CCDC191: variants seen among roughly 807,000 people sequenced by gnomAD.
CCDC191 encodes the protein coiled-coil domain containing 191.
In CCDC191, 99 loss-of-function variants were observed where a neutral mutation model predicts 114.0. That is an observed-to-expected ratio of 0.87 (90% confidence interval 0.74 to 1.03). CCDC191 has a LOEUF of 1.03. CCDC191 is among the 50% of genes least tolerant of loss of function. The pLI is 0.00. For synonymous variants in CCDC191, 351 were observed against 376.0 expected (o/e 0.93, Z 0.77); for missense variants, 973 against 1,087.0 (o/e 0.90, Z 1.47).
At chr3:114,006,915 T>A (rs2075981551) in intron 9 of CCDC191, among the ~76,000 whole-genome samples, 1 of 152,020 alleles carries the variant, frequency 6.6e-6, no homozygotes, top group East Asian at 1.9e-4. Context: ...GGGTGGGAAA[T>A]ATTTGGAAGC....
In CCDC191 at chr3:114,042,731, A is replaced by G. The variant is rs2076579716; in HGVS notation, c.387T>C (p.Asn129=). Reference sequence around the variant, plus strand: ...CAAACTTGTCATATTTCAAATGGCCATTGGCTTCCGGCATAATAGTGACAC... The same window carrying G: ...CAAACTTGTCATATTTCAAATGGCCGTTGGCTTCCGGCATAATAGTGACAC... ...VSSVTIMPEA[N]GHLKYDKFDD... is the part of the protein sequence containing the mutation. The change falls in exon 4 of 17, where the codon AAT becomes AAC. Residue 129 remains asparagine (N), a synonymous_variant. Transcript: ENST00000295878. 6.3e-7 allele frequency: 1 copy of G among 1,587,338 alleles called. No individual in the cohort carries two copies. Among genetic ancestry groups the G allele is most frequent in the African/African-American group, 1.4e-5 (1 of 73,100 alleles).
intron 1 of CCDC191, among the ~76,000 whole-genome samples, chr3:114,056,128 C>G (rs1482112276): frequency 1.3e-5 from 2 of 152,104 alleles, no homozygotes; most frequent in East Asian, 3.9e-4. Context: ...CATTAGCAGA[C>G]ACCTCCGGTT....
At chr3:114,044,049 G>T (rs971844129) in intron 3 of CCDC191, among the ~76,000 whole-genome samples, 6 of 152,060 alleles carry the variant, frequency 3.9e-5, no homozygotes, top group African/African-American at 1.4e-4. Context: ...TCCAAATAGG[G>T]ATGTCAAATA....
intron 13 of CCDC191, among the ~76,000 whole-genome samples, chr3:113,985,535 T>C (rs2075324004): frequency 6.6e-6 from 1 of 152,142 alleles, no homozygotes; most frequent in Admixed American, 6.5e-5. Flanking sequence ...ATTATCTGAG[T>C]GCTTAAAGCT....
intron 13 of CCDC191, among the ~76,000 whole-genome samples, chr3:113,982,701 G>A (rs1308880672): frequency 6.6e-6 from 1 of 151,672 alleles, no homozygotes; most frequent in African/African-American, 2.4e-5. Flanking sequence ...TCCCTTGTAC[G>A]CTACTCTCCC....
intron 13 of CCDC191, among the ~76,000 whole-genome samples, chr3:113,983,320 C>T (rs1044173045): frequency 6.6e-6 from 1 of 152,174 alleles, no homozygotes; most frequent in Non-Finnish European, 1.5e-5. Flanking sequence ...TCTATCCAGA[C>T]AATCTCCCAA....
intron 9 of CCDC191, among the ~76,000 whole-genome samples, chr3:114,009,998 C>T (rs914420133): frequency 1.3e-5 from 2 of 152,012 alleles, no homozygotes; most frequent in Non-Finnish European, 2.9e-5. Flanking sequence ...TGCCCCACAC[C>T]CAAAAATTCT....
chr3:114,019,718 C>T (rs540315548), intron 7 of CCDC191, among the ~76,000 whole-genome samples: 11 of 152,164 alleles, frequency 7.2e-5, no homozygotes, highest in African/African-American at 2.7e-4. Flanking sequence ...CTTTTCATAA[C>T]CAAAAACTGC....
intron 13 of CCDC191, among the ~76,000 whole-genome samples, chr3:113,994,402 G>A (rs1245363533): frequency 1.3e-5 from 2 of 152,102 alleles, no homozygotes; most frequent in Non-Finnish European, 2.9e-5. Context: ...AAATGCTGAT[G>A]AGGATGTGCA....
chr3:114,037,751 C>A (rs2076505472), intron 4 of CCDC191, among the ~76,000 whole-genome samples: 1 of 152,064 alleles, frequency 6.6e-6, no homozygotes, highest in South Asian at 2.1e-4. Context: ...CATCCTTATA[C>A]TCTAGATCAT....
chr3:113,988,765 A>G (rs975405669), intron 13 of CCDC191, among the ~76,000 whole-genome samples: 5 of 152,072 alleles, frequency 3.3e-5, no homozygotes, highest in Non-Finnish European at 5.9e-5. Flanking sequence ...TATGATGTCT[A>G]TAAGACATTC....
intron 11 of CCDC191, 39 bp from the exon 12 acceptor site, chr3:114,002,577 G>A: frequency 6.8e-7 from 1 of 1,475,746 alleles, no homozygotes; most frequent in Non-Finnish European, 9.3e-7. Flanking sequence ...TTTTTATATT[G>A]AAAAAATATG....
chr3:114,043,392 C>A (rs2076589289), intron 3 of CCDC191, among the ~76,000 whole-genome samples: 1 of 152,156 alleles, frequency 6.6e-6, no homozygotes, highest in Non-Finnish European at 1.5e-5. Context: ...CAGGTGCAAT[C>A]TTGCCCCCCA....
intron 14 of CCDC191, among the ~76,000 whole-genome samples, chr3:113,979,837 A>T (rs916439913): frequency 2.6e-5 from 4 of 152,164 alleles, no homozygotes; most frequent in African/African-American, 9.7e-5. Context: ...ATGAGATAAC[A>T]TTTTATCTAT....
Position 113,980,735 on chromosome 3 carries a change from T to C in CCDC191, c.2222A>G (p.Lys741Arg). 5.0e-6 allele frequency: 8 copies of C among 1,610,748 alleles called. No homozygotes were observed. The highest frequency in any genetic ancestry group is 6.8e-6 in the Non-Finnish European group (8 of 1,179,018). Residue 741 changes from lysine (K) to arginine (R), a missense_variant, in exon 14 of 17, where the codon AAA becomes AGA. By Grantham distance (26) the Lys-to-Arg change is conservative (BLOSUM62 2). Coordinates refer to ENST00000295878, the MANE Select transcript of CCDC191 (RefSeq NM_020817.2). ...TAGCAAGACCCTTTCATAATGTTCT[T>C]TGGCTATTGCTTCCAGCTGCTGGTT... ...KRNQQLEAIA[K>R]EHYERVLLRK... is the part of the protein sequence containing the mutation.
intron 13 of CCDC191, among the ~76,000 whole-genome samples, chr3:113,982,833 T>A (rs1435570025): frequency 6.4e-5 from 9 of 140,656 alleles, no homozygotes; most frequent in African/African-American, 2.4e-4. Flanking sequence ...TGTGCCAGTA[T>A]CTCCCCTCTT....
Position 114,036,623 on chromosome 3 carries a change from C to T in CCDC191, c.579G>A (p.Glu193=), listed in dbSNP as rs965467942. The stretch of plus-strand genomic sequence containing the variant: ...TCCCTCCCACCTGCTTATGTCTCAT[C>T]TCCATGGTAAGACGAGGATCCTTCT... ...KQQKDPRLTM[E]MRHKQVKENR... The change falls in exon 5 of 17, where the codon GAG becomes GAA. Residue 193 remains glutamate (E), a synonymous_variant. Transcript: ENST00000295878. 1 of 1,598,570 alleles carries T rather than the reference C, an allele frequency of 6.3e-7. No individual in the cohort carries two copies. Among genetic ancestry groups the T allele is most frequent in the African/African-American group, 1.4e-5 (1 of 74,066 alleles).
intron 16 of CCDC191, among the ~76,000 whole-genome samples, chr3:113,975,556 A>G (rs1316791376): frequency 1.3e-5 from 2 of 152,222 alleles, no homozygotes; most frequent in African/African-American, 4.8e-5. Flanking sequence ...GAACACAGTA[A>G]TGAGCAAGAT....
intron 13 of CCDC191, among the ~76,000 whole-genome samples, chr3:113,988,354 C>T (rs529662140): frequency 2.0e-5 from 3 of 151,998 alleles, no homozygotes; most frequent in Admixed American, 2.0e-4. Context: ...ATTAGCCGGG[C>T]ATGGTGGCGG....
Sources: allele counts gnomAD v4.1 joint callset (sites outside exome capture counted in the v4.1 genomes callset), GRCh38; gene constraint gnomAD v4.1.1; transcripts MANE v1.5; gene names NCBI Gene and HGNC (gene_info 2026-07-23, HGNC 2026-07-21).